LSAMP: variants seen among roughly 807,000 people sequenced by gnomAD.
LSAMP encodes limbic system-associated membrane protein.
A neutral mutation model predicts 38.6 loss-of-function variants in LSAMP; 7 were observed. The observed-to-expected ratio is 0.18, with a 90% CI of 0.10 to 0.34. The LOEUF is 0.34. LSAMP is among the 10% of genes least tolerant of loss of function. The pLI, the probability that LSAMP is intolerant of heterozygous loss-of-function variation, is 1.00. For synonymous variants in LSAMP, 154 were observed against 166.8 expected (o/e 0.92, Z 0.59); for missense variants, 313 against 420.0 (o/e 0.75, Z 2.23).
At chr3:116,315,441 G>A (rs2047615896) in intron 1 of LSAMP, among the ~76,000 whole-genome samples, 1 of 151,992 alleles carries the variant, frequency 6.6e-6, no homozygotes, top group African/African-American at 2.4e-5. Context: ...TTAGAAATGG[G>A]GACAGAGTTA....
chr3:116,432,352 AAAGTT>A (rs1357565213), intron 1 of LSAMP, among the ~76,000 whole-genome samples: 3 of 151,698 alleles, frequency 2.0e-5, no homozygotes, highest in African/African-American at 4.8e-5. Flanking sequence ...AAATAAAAAT[AAAGTT>A]AAGGTCTTGT....
chr3:115,842,429 T>A, intron 5 of LSAMP, 29 bp downstream of exon 5: 5 of 1,610,194 alleles, frequency 3.1e-6, no homozygotes, highest in Non-Finnish European at 4.2e-6. Context: ...TGCAGTGGAG[T>A]CATGGGGGAT....
At chr3:115,884,350 A>G (rs1204792956) in intron 3 of LSAMP, among the ~76,000 whole-genome samples, 2 of 152,096 alleles carry the variant, frequency 1.3e-5, no homozygotes, top group Non-Finnish European at 2.9e-5. Flanking sequence ...CAAATGGTGG[A>G]CATCATTTCT....
chr3:116,206,328 A>G (rs2046069436), intron 1 of LSAMP, among the ~76,000 whole-genome samples: 1 of 149,422 alleles, frequency 6.7e-6, no homozygotes, highest in Admixed American at 6.7e-5. Context: ...CGGTCTATCA[A>G]TTTTGTTGAT....
chr3:116,285,392 C>T (rs1432534965), intron 1 of LSAMP, among the ~76,000 whole-genome samples: 1 of 152,086 alleles, frequency 6.6e-6, no homozygotes, highest in Non-Finnish European at 1.5e-5. Flanking sequence ...TCTGCCAATC[C>T]TCAGGCAGCC....
chr3:116,281,370 T>C (rs2047124088), intron 1 of LSAMP, among the ~76,000 whole-genome samples: 1 of 152,190 alleles, frequency 6.6e-6, no homozygotes, highest in African/African-American at 2.4e-5. Context: ...AGACAATCCT[T>C]AGTATACCTT....
chr3:116,424,791 G>T (rs1576214520), intron 1 of LSAMP, among the ~76,000 whole-genome samples: 1 of 152,142 alleles, frequency 6.6e-6, no homozygotes, highest in East Asian at 1.9e-4. Flanking sequence ...AAGGCTGGGT[G>T]CCAGGTTTAT....
At chr3:116,164,773 T>TTTTTTCAAGTAGCA (rs1279357951) in intron 1 of LSAMP, among the ~76,000 whole-genome samples, 1 of 143,808 alleles carries the variant, frequency 7.0e-6, no homozygotes, top group Non-Finnish European at 1.5e-5. Context: ...TTTTTTTTTT[T>TTTTTTCAAGTAGCA]TCAAGTAGCA....
At chr3:116,277,588 G>T (rs1023664816) in intron 1 of LSAMP, among the ~76,000 whole-genome samples, 2 of 152,004 alleles carry the variant, frequency 1.3e-5, no homozygotes, top group South Asian at 4.1e-4. Flanking sequence ...AGCCAGAATG[G>T]TCTGGATCTC....
At chr3:116,111,573 T>C (rs1480965644) in intron 1 of LSAMP, among the ~76,000 whole-genome samples, 2 of 152,182 alleles carry the variant, frequency 1.3e-5, no homozygotes, top group Admixed American at 1.3e-4. Flanking sequence ...TTTCATAAAG[T>C]GATATGGTTT....
chr3:116,009,088 C>T (rs1940249643), intron 3 of LSAMP, among the ~76,000 whole-genome samples: 1 of 152,166 alleles, frequency 6.6e-6, no homozygotes, highest in African/African-American at 2.4e-5. Context: ...CTCTCAATCT[C>T]TAGGCTGAAA....
chr3:116,237,843 T>C (rs1435613540), intron 1 of LSAMP, among the ~76,000 whole-genome samples: 1 of 152,160 alleles, frequency 6.6e-6, no homozygotes, highest in African/African-American at 2.4e-5. Flanking sequence ...TTAGAATTGA[T>C]GAGGGAATAG....
At chr3:116,204,728 T>G (rs1389024278) in intron 1 of LSAMP, among the ~76,000 whole-genome samples, 2 of 151,786 alleles carry the variant, frequency 1.3e-5, no homozygotes, top group East Asian at 3.9e-4. Context: ...GCAGCGTTAT[T>G]TCTGAGGGCT....
chr3:116,321,526 T>C (rs2047706210), intron 1 of LSAMP, among the ~76,000 whole-genome samples: 1 of 152,134 alleles, frequency 6.6e-6, no homozygotes, highest in African/African-American at 2.4e-5. Flanking sequence ...CCACACAACA[T>C]CTAGAAAGAA....
intron 1 of LSAMP, among the ~76,000 whole-genome samples, chr3:116,111,961 G>T (rs1045081705): frequency 6.6e-6 from 1 of 152,194 alleles, no homozygotes; most frequent in Non-Finnish European, 1.5e-5. Flanking sequence ...CAGAGGCAAA[G>T]GTAGGGAGAC....
At chr3:115,971,699 A>T (rs2107612117) in intron 3 of LSAMP, among the ~76,000 whole-genome samples, 1 of 152,286 alleles carries the variant, frequency 6.6e-6, no homozygotes, top group East Asian at 1.9e-4. Context: ...TGATAAGGTG[A>T]TTATCACCAT....
chr3:116,138,093 C>T (rs1159917768), intron 1 of LSAMP, among the ~76,000 whole-genome samples: 1 of 152,084 alleles, frequency 6.6e-6, no homozygotes, highest in South Asian at 2.1e-4. Flanking sequence ...AGTGGTAGGT[C>T]TTGAGATTCC....
At chr3:116,216,123 A>G (rs2046216053) in intron 1 of LSAMP, among the ~76,000 whole-genome samples, 1 of 152,180 alleles carries the variant, frequency 6.6e-6, no homozygotes, top group Admixed American at 6.5e-5. Context: ...GAATCACTTT[A>G]TTCATGAAAG....
intron 1 of LSAMP, among the ~76,000 whole-genome samples, chr3:116,244,194 T>C (rs2046575093): frequency 6.6e-6 from 1 of 152,240 alleles, no homozygotes; most frequent in Non-Finnish European, 1.5e-5. Context: ...AGTCCTATGC[T>C]ATCCTGAGTC....
Sources: gnomAD v4.1 joint callset for allele counts (sites outside exome capture counted in the v4.1 genomes callset) on GRCh38, gnomAD v4.1.1 for gene constraint, MANE v1.5 for transcripts, NCBI Gene and HGNC (gene_info 2026-07-23, HGNC 2026-07-21) for gene names.